PACRG: variants seen among roughly 807,000 people sequenced by gnomAD.
PACRG encodes parkin coregulated.
PACRG carries 29 observed loss-of-function variants against 29.7 expected under a neutral mutation model. The ratio of observed to expected loss-of-function variants is 0.98; its 90% confidence interval spans 0.73 to 1.33. The LOEUF is 1.33. Among genes scored for constraint, PACRG ranks in the 40% most tolerant of loss-of-function variants. The probability of loss-of-function intolerance (pLI) is 0.00; values close to 1 mark genes in which losing one functional copy is unlikely to be tolerated. For missense variants in PACRG, 279 were observed against 316.2 expected, an observed-to-expected ratio of 0.88 and a Z score of 0.89; for synonymous variants, 116 against 118.7, an observed-to-expected ratio of 0.98 and a Z score of 0.15.
At chr6:163,263,726 T>C (rs188559909) in intron 4 of PACRG, among the ~76,000 whole-genome samples, 14 of 152,344 alleles carry the variant, frequency 9.2e-5, no homozygotes, top group Non-Finnish European at 8.8e-5. Flanking sequence ...GTTAATGTTA[T>C]TAGTACATTA....
intron 3 of PACRG, among the ~76,000 whole-genome samples, chr6:163,078,372 G>A (rs557949603): frequency 2.0e-5 from 3 of 152,058 alleles, no homozygotes; most frequent in East Asian, 2.0e-4. Context: ...GCATGGTGGC[G>A]GGTGCCTGTA....
chr6:163,090,878 A>G (rs1814048402), intron 4 of PACRG, among the ~76,000 whole-genome samples: 1 of 152,216 alleles, frequency 6.6e-6, no homozygotes, highest in African/African-American at 2.4e-5. Flanking sequence ...GAAGTGTGCG[A>G]TTCACTAATA....
At chr6:163,118,090 T>G (rs2128323217) in intron 4 of PACRG, among the ~76,000 whole-genome samples, 1 of 152,302 alleles carries the variant, frequency 6.6e-6, no homozygotes, top group East Asian at 1.9e-4. Context: ...ATAGTCTCTG[T>G]GCATTAGGGG....
At chr6:163,191,597 C>T (rs2128361237) in intron 4 of PACRG, 1 of 455,150 alleles carries the variant, frequency 2.2e-6, no homozygotes, top group Non-Finnish European at 4.4e-6. Context: ...CTAAGATACA[C>T]TCACGAGCTG....
chr6:163,314,763 G>A, intron 4 of PACRG, 64 bp from the exon 5 acceptor site: 1 of 1,569,886 alleles, frequency 6.4e-7, no homozygotes, highest in East Asian at 2.2e-5. Flanking sequence ...TGCCTAGACT[G>A]TGTAGGACTT....
intron 4 of PACRG, among the ~76,000 whole-genome samples, chr6:163,115,125 A>G (rs1249768304): frequency 3.5e-4 from 53 of 152,202 alleles, no homozygotes; most frequent in Admixed American, 3.5e-3. Flanking sequence ...TAAATCTCTT[A>G]TATACAAATA....
At chr6:163,314,689 A>C (rs1220468915) in intron 4 of PACRG, 138 bp from the exon 5 acceptor site, 3 of 955,362 alleles carry the variant, frequency 3.1e-6, no homozygotes, top group Non-Finnish European at 4.3e-6. Context: ...ACTGCTTTTA[A>C]AACTCCGCAA....
At chr6:162,973,581 T>C (rs1176818681) in intron 2 of PACRG, among the ~76,000 whole-genome samples, 1 of 152,246 alleles carries the variant, frequency 6.6e-6, no homozygotes, top group Non-Finnish European at 1.5e-5. Flanking sequence ...AGTCTTCTTT[T>C]TTGAGATTCC....
chr6:162,943,637 G>A (rs1476626515), intron 2 of PACRG, among the ~76,000 whole-genome samples: 1 of 152,100 alleles, frequency 6.6e-6, no homozygotes, highest in Non-Finnish European at 1.5e-5. Context: ...GGGAGCCTGA[G>A]GACAGACTCA....
At chr6:162,785,090 C>A (rs997304897) in intron 1 of PACRG, among the ~76,000 whole-genome samples, 1 of 151,642 alleles carries the variant, frequency 6.6e-6, no homozygotes, top group Non-Finnish European at 1.5e-5. Context: ...ATATATATGG[C>A]TTTCCCAGCT....
chr6:163,060,367 G>A (rs1459827724), intron 2 of PACRG, among the ~76,000 whole-genome samples: 1 of 151,618 alleles, frequency 6.6e-6, no homozygotes, highest in African/African-American at 2.4e-5. Context: ...AAAAACATTG[G>A]GCCTTTAGGA....
At chr6:163,263,975 C>G (rs1360103570) in intron 4 of PACRG, among the ~76,000 whole-genome samples, 2 of 152,062 alleles carry the variant, frequency 1.3e-5, no homozygotes, top group Non-Finnish European at 2.9e-5. Flanking sequence ...AAGTGTTTTT[C>G]TTGTTGAATG....
At chr6:162,887,024 C>T (rs1041138614) in intron 2 of PACRG, among the ~76,000 whole-genome samples, 2 of 152,168 alleles carry the variant, frequency 1.3e-5, no homozygotes, top group African/African-American at 4.8e-5. Flanking sequence ...TCTCCTGCCT[C>T]AGCCTCCCGA....
At chr6:163,193,745 C>T (rs1780322799) in intron 4 of PACRG, among the ~76,000 whole-genome samples, 1 of 151,942 alleles carries the variant, frequency 6.6e-6, no homozygotes, top group South Asian at 2.1e-4. Context: ...TGTACCAGCC[C>T]GTCATAGTTT....
intron 3 of PACRG, among the ~76,000 whole-genome samples, chr6:163,075,483 A>T (rs950324009): frequency 3.3e-5 from 5 of 152,188 alleles, no homozygotes; most frequent in African/African-American, 1.2e-4. Flanking sequence ...ACTCATAAAC[A>T]TCAAGGAAAA....
intron 2 of PACRG, among the ~76,000 whole-genome samples, chr6:162,844,279 G>C (rs9458655): frequency 1.3e-5 from 2 of 150,412 alleles, no homozygotes; most frequent in African/African-American, 2.5e-5. Context: ...CTCCGAGCCA[G>C]GTGCGGGATA....
chr6:163,180,664 G>T (rs1264906759), intron 4 of PACRG, among the ~76,000 whole-genome samples: 3 of 151,520 alleles, frequency 2.0e-5, no homozygotes, highest in Non-Finnish European at 2.9e-5. Flanking sequence ...TTTAAGAGGG[G>T]TTTTTTGTAT....
At chr6:162,953,680 C>T (rs146172006) in intron 2 of PACRG, among the ~76,000 whole-genome samples, 1 of 152,078 alleles carries the variant, frequency 6.6e-6, no homozygotes, top group Admixed American at 6.6e-5. Context: ...TCCTCCCGCT[C>T]TCTCTCCCTA....
intron 2 of PACRG, among the ~76,000 whole-genome samples, chr6:162,904,932 T>C (rs1326045642): frequency 6.6e-6 from 1 of 151,982 alleles, no homozygotes; most frequent in Non-Finnish European, 1.5e-5. Flanking sequence ...GAGGATGAGT[T>C]AGCTGGGAGG....
Sources: allele counts gnomAD v4.1 joint callset (sites outside exome capture counted in the v4.1 genomes callset), GRCh38; gene constraint gnomAD v4.1.1; transcripts MANE v1.5; gene names NCBI Gene and HGNC (gene_info 2026-07-23, HGNC 2026-07-21).